Variants in SH2D1B observed in about 807,000 individuals in gnomAD.
The protein encoded by SH2D1B is SH2 domain-containing protein 1B.
Under a neutral mutation model 16.3 loss-of-function variants are expected in SH2D1B, and 11 were observed. The observed-to-expected ratio is 0.67, with a 90% confidence interval of 0.42 to 1.11. SH2D1B has a LOEUF of 1.11. SH2D1B is among the 50% of genes most tolerant of loss of function. The pLI is 0.00. For missense variants in SH2D1B, 123 were observed against 153.1 expected, an observed-to-expected ratio of 0.80 and a Z score of 1.04; for synonymous variants, 55 against 56.1, an observed-to-expected ratio of 0.98 and a Z score of 0.09.
At position 162,395,538 on chromosome 1, in the gene SH2D1B, C is replaced by T. The variant is rs753240663; in HGVS notation, c.*1742G>A. The T allele has an allele frequency of 1.3e-5, 2 of 152,000 alleles. No individual in the cohort carries two copies. Among genetic ancestry groups the T allele is most frequent in the African/African-American group, 2.4e-5 (1 of 41,368 alleles). The allele number at this position is 152,000 out of a possible 1,614,324, so 9.4% of individuals were successfully genotyped here. A position where few individuals can be genotyped will look rare whatever the true frequency, so the allele number is the denominator to read the frequency against. On this transcript the variant is annotated 3_prime_UTR_variant, in exon 4 of 4. Transcript: ENST00000367929. ...TGAACTGTTTAATGTATACAGGAGG[C>T]CCTAACCAATGGGTAAACATAAAAA... is the stretch of plus-strand genomic sequence containing the variant.
At chr1:162,398,088 T>C (rs541577339) in intron 3 of SH2D1B, among the ~76,000 whole-genome samples, 6 of 152,278 alleles carry the variant, frequency 3.9e-5, no homozygotes, top group Non-Finnish European at 4.4e-5. Context: ...AAGCCGGCTA[T>C]GGCAGCCTAA....
chr1:162,408,375 T>A (rs1310034876), intron 1 of SH2D1B, among the ~76,000 whole-genome samples: 3 of 151,762 alleles, frequency 2.0e-5, no homozygotes, highest in Non-Finnish European at 4.4e-5. Flanking sequence ...CCTCTCCACT[T>A]GGTTTATTTT....
At chr1:162,407,675 TGCTTG>T (rs1648682563) in intron 1 of SH2D1B, among the ~76,000 whole-genome samples, 1 of 152,258 alleles carries the variant, frequency 6.6e-6, no homozygotes. Flanking sequence ...ATTCTTGCTT[TGCTTG>T]CAAAGGGTTG....
chr1:162,411,946 AC>A lies in SH2D1B; in HGVS notation c.70del (p.Val24TrpfsTer7). The part of the protein sequence containing the change: ...DCETLLLKEG[V>X]DGNFLLRDSE... ...GTCTCTTAAAAGAAAGTTGCCATCCACCCCTTCCTTGAGCAGCAAGGTCTCA... is the reference window on the plus strand; with the variant it reads ...GTCTCTTAAAAGAAAGTTGCCATCCACCCTTCCTTGAGCAGCAAGGTCTCA... On this transcript the variant is annotated frameshift_variant, in exon 1 of 4. Transcript: ENST00000367929. LOFTEE classifies it high-confidence loss of function. The A allele has an allele frequency of 6.2e-7, 1 of 1,614,082 alleles. No homozygotes were observed. Among genetic ancestry groups the A allele is most frequent in the Non-Finnish European group, 8.5e-7 (1 of 1,180,016 alleles).
At position 162,396,370 on chromosome 1, in the gene SH2D1B, A is replaced by G. The variant is rs553913398; in HGVS notation, c.*910T>C. 33 of 152,310 alleles carry G rather than the reference A, an allele frequency of 2.2e-4. No individual in the cohort carries two copies. Among genetic ancestry groups the G allele is most frequent in the African/African-American group, 7.7e-4 (32 of 41,582 alleles). 9.4% of individuals were successfully genotyped at this position (152,310 alleles called of 1,614,324 possible). The stretch of plus-strand genomic sequence containing the variant: ...CCAATTCAACAAACCTCCCTCAGCA[A>G]TGTGCTTCCAGTCAGTTTCTATGAA... On this transcript the variant is annotated 3_prime_UTR_variant, in exon 4 of 4. Coordinates refer to ENST00000367929, the MANE Select transcript of SH2D1B (RefSeq NM_053282.5).
chr1:162,407,448 A>T (rs145977984), intron 1 of SH2D1B, among the ~76,000 whole-genome samples: 61 of 152,352 alleles, frequency 4.0e-4, no homozygotes, highest in African/African-American at 1.4e-3. Context: ...ATAACATATT[A>T]GCAATTTGGC....
At chr1:162,407,155 G>A (rs537287716) in intron 1 of SH2D1B, among the ~76,000 whole-genome samples, 3 of 152,222 alleles carry the variant, frequency 2.0e-5, no homozygotes, top group East Asian at 1.9e-4. Context: ...TGAAGTATCG[G>A]GGGAACCAGC....
At chr1:162,399,627 T>G (rs1475134928) in intron 2 of SH2D1B, among the ~76,000 whole-genome samples, 1 of 152,204 alleles carries the variant, frequency 6.6e-6, no homozygotes, top group Non-Finnish European at 1.5e-5. Flanking sequence ...CAGCATTCAC[T>G]AGCTATTCTT....
chr1:162,400,699 G>A (rs1199439890), intron 2 of SH2D1B, among the ~76,000 whole-genome samples: 1 of 151,888 alleles, frequency 6.6e-6, no homozygotes, highest in African/African-American at 2.4e-5. Flanking sequence ...TGTAATCCCA[G>A]CCCTTTGGGA....
In SH2D1B at chr1:162,400,123, T is replaced by A. The variant is rs150772145; in HGVS notation, c.199-1036A>T. Among the ~76,000 whole-genome samples, 20 of 152,312 alleles carry A rather than the reference T, an allele frequency of 1.3e-4. No homozygotes were observed. The East Asian group carries it at 3.5e-3, about 26-fold the overall frequency. On this transcript the variant is annotated intron_variant, in intron 2 of 3. Coordinates refer to ENST00000367929, the MANE Select transcript of SH2D1B (RefSeq NM_053282.5). ...TTTAAAATATGCATTTTGTATACTT[T>A]ATGAATTTAAAATACACAATTTGTA... is the stretch of plus-strand genomic sequence containing the variant.
chr1:162,405,335 G>A (rs1338389508), intron 1 of SH2D1B, among the ~76,000 whole-genome samples: 1 of 152,116 alleles, frequency 6.6e-6, no homozygotes, highest in Non-Finnish European at 1.5e-5. Context: ...TGATAAATAT[G>A]TTCATTATCT....
At chr1:162,405,752 G>T (rs547216760) in intron 1 of SH2D1B, among the ~76,000 whole-genome samples, 1 of 152,322 alleles carries the variant, frequency 6.6e-6, no homozygotes, top group Non-Finnish European at 1.5e-5. Context: ...TAATTTCTCA[G>T]TTGAGGTTCA....
At chr1:162,403,505 AAAAAAAATATATAT>A (rs1423362114) in intron 1 of SH2D1B, among the ~76,000 whole-genome samples, 11 of 53,852 alleles carry the variant, frequency 2.0e-4, no homozygotes, top group Admixed American at 2.0e-3. Flanking sequence ...AAAAAAAAAA[AAAAAAAATATATAT>A]ATATATATAT....
intron 1 of SH2D1B, among the ~76,000 whole-genome samples, chr1:162,409,514 C>T (rs1241766090): frequency 6.6e-6 from 1 of 152,186 alleles, no homozygotes; most frequent in African/African-American, 2.4e-5. Context: ...GACTCCTGTT[C>T]CTACCTCCTC....
intron 1 of SH2D1B, among the ~76,000 whole-genome samples, chr1:162,411,461 T>C (rs1648794190): frequency 2.0e-5 from 3 of 152,346 alleles, no homozygotes; most frequent in Middle Eastern, 6.8e-3. Flanking sequence ...ATTGTATTTA[T>C]AGTTTACGTA....
rs966079270 is a variant in SH2D1B, at chr1:162,395,943, G to A, written c.*1337C>T. On this transcript the variant is annotated 3_prime_UTR_variant, in exon 4 of 4. Transcript: ENST00000367929. ...AAGTTCATTAAAAATTCCAAAAAGA[G>A]GTTTTAAGCAATTTCACGTATTTAT... 6.6e-6 allele frequency: 1 copy of A among 152,136 alleles called. No individual in the cohort carries two copies. Among genetic ancestry groups the A allele is most frequent in the Non-Finnish European group, 1.5e-5 (1 of 68,028 alleles). 9.4% of individuals were successfully genotyped at this position (152,136 alleles called of 1,614,324 possible). A position where few individuals can be genotyped will look rare whatever the true frequency, so the allele number is the denominator to read the frequency against.
intron 1 of SH2D1B, among the ~76,000 whole-genome samples, chr1:162,403,917 A>C (rs1200133124): frequency 6.6e-6 from 1 of 152,176 alleles, no homozygotes; most frequent in African/African-American, 2.4e-5. Flanking sequence ...AAAGAGTAGA[A>C]TGAGAGTTCT....
At chr1:162,403,511 A>AATATATATAT (rs201259868) in intron 1 of SH2D1B, among the ~76,000 whole-genome samples, 4 of 42,028 alleles carry the variant, frequency 9.5e-5, no homozygotes, top group African/African-American at 4.2e-4. Flanking sequence ...AAAAAAAAAA[A>AATATATATAT]ATATATATAT....
chr1:162,400,016 T>A (rs1648470317), intron 2 of SH2D1B, among the ~76,000 whole-genome samples: 1 of 152,246 alleles, frequency 6.6e-6, no homozygotes, highest in Non-Finnish European at 1.5e-5. Flanking sequence ...ACAGTTAGGC[T>A]GCTTAGTATT....
Sources: allele counts gnomAD v4.1 joint callset (sites outside exome capture counted in the v4.1 genomes callset), GRCh38; gene constraint gnomAD v4.1.1; transcripts MANE v1.5; gene names NCBI Gene and HGNC (gene_info 2026-07-23, HGNC 2026-07-21).